The following CNTNAP5 variants were observed in gnomAD, a reference collection of about 807,000 sequenced individuals.
The protein encoded by CNTNAP5 is contactin-associated protein-like 5.
A neutral mutation model predicts 150.2 loss-of-function variants in CNTNAP5; 72 were observed. The ratio of observed to expected loss-of-function variants is 0.48; its 90% CI spans 0.40 to 0.58. The LOEUF is 0.58. CNTNAP5 is among the 20% of genes least tolerant of loss of function. The pLI is 0.00. For missense variants in CNTNAP5, 1,636 were observed against 1,626.2 expected, an observed-to-expected ratio of 1.01 and a Z score of -0.10; for synonymous variants, 672 against 619.8, an observed-to-expected ratio of 1.08 and a Z score of -1.25.
intron 4 of CNTNAP5, among the ~76,000 whole-genome samples, chr2:124,424,357 C>A (rs936893346): frequency 3.3e-5 from 5 of 152,174 alleles, no homozygotes; most frequent in Non-Finnish European, 7.3e-5. Context: ...GTCAGCCCTC[C>A]AAGTGGGGAG....
chr2:124,691,665 C>CA (rs1204378200), intron 13 of CNTNAP5, among the ~76,000 whole-genome samples: 1 of 152,074 alleles, frequency 6.6e-6, no homozygotes, highest in Non-Finnish European at 1.5e-5. Flanking sequence ...ATTGAAAACT[C>CA]AGTCAGCGTT....
At position 124,903,822 on chromosome 2, in the gene CNTNAP5, C is replaced by T. The variant is rs182617465; in HGVS notation, c.3655+722C>T. ...AAATTGCCGCACTTTGGGAGGCAAACGCAGGAGGATCACCTGAGGTCAGGA... is the reference window on the plus strand; with the variant it reads ...AAATTGCCGCACTTTGGGAGGCAAATGCAGGAGGATCACCTGAGGTCAGGA... On this transcript the variant is annotated intron_variant, in intron 22 of 23. Coordinates refer to ENST00000682447, the MANE Select transcript of CNTNAP5 (RefSeq NM_001367498.1). 6.6e-5 allele frequency among the ~76,000 whole-genome samples: 10 copies of T among 152,030 alleles called. No homozygotes were observed. The East Asian group carries it at 1.2e-3, about 18-fold the overall frequency.
chr2:124,339,501 G>T (rs1689556807), intron 3 of CNTNAP5, among the ~76,000 whole-genome samples: 2 of 152,128 alleles, frequency 1.3e-5, no homozygotes. Context: ...GCCTTGTAAG[G>T]GCAAAGGGAA....
chr2:124,360,343 C>A (rs1318802525), intron 3 of CNTNAP5, among the ~76,000 whole-genome samples: 1 of 149,278 alleles, frequency 6.7e-6, no homozygotes, highest in Admixed American at 6.8e-5. Context: ...GAATTTGATC[C>A]TGTCATTATG....
intron 21 of CNTNAP5, among the ~76,000 whole-genome samples, chr2:124,901,540 G>T (rs953005631): frequency 5.3e-5 from 8 of 152,134 alleles, no homozygotes; most frequent in African/African-American, 1.4e-4. Context: ...AGCTAGAAAA[G>T]GCAAGGAAAT....
At chr2:124,907,796 C>T (rs187123081) in intron 22 of CNTNAP5, among the ~76,000 whole-genome samples, 211 of 150,560 alleles carry the variant, frequency 1.4e-3, no homozygotes, top group African/African-American at 4.9e-3. Context: ...GTCCATTAAG[C>T]ATGGATATAG....
chr2:124,395,068 C>G (rs1204455810), intron 3 of CNTNAP5, among the ~76,000 whole-genome samples: 1 of 151,960 alleles, frequency 6.6e-6, no homozygotes, highest in Non-Finnish European at 1.5e-5. Flanking sequence ...GCAAACATGC[C>G]CATTGATAAA....
intron 11 of CNTNAP5, among the ~76,000 whole-genome samples, chr2:124,571,214 G>A (rs956104720): frequency 2.0e-5 from 3 of 152,164 alleles, no homozygotes; most frequent in Non-Finnish European, 2.9e-5. Context: ...GTTTCCCACT[G>A]TGCAGAATTA....
At chr2:124,668,445 AAAG>A (rs1678744708) in intron 13 of CNTNAP5, among the ~76,000 whole-genome samples, 1 of 152,214 alleles carries the variant, frequency 6.6e-6, no homozygotes, top group Non-Finnish European at 1.5e-5. Flanking sequence ...TCATTACTGT[AAAG>A]AAATAAATTG....
chr2:124,820,924 T>A (rs1219207543), intron 19 of CNTNAP5, among the ~76,000 whole-genome samples: 1 of 152,196 alleles, frequency 6.6e-6, no homozygotes, highest in Non-Finnish European at 1.5e-5. Flanking sequence ...CTATTTAGGA[T>A]TTTCTATTTC....
intron 3 of CNTNAP5, among the ~76,000 whole-genome samples, chr2:124,330,735 C>A (rs948951953): frequency 6.6e-6 from 1 of 151,652 alleles, no homozygotes. Context: ...TGAGAACAGA[C>A]CAATACAAAT....
At chr2:124,536,597 G>A (rs551230587) in intron 10 of CNTNAP5, among the ~76,000 whole-genome samples, 122 of 152,210 alleles carry the variant, frequency 8.0e-4, no homozygotes, top group African/African-American at 2.7e-3. Flanking sequence ...TGGAAAAGCC[G>A]GGATTCGAAT....
chr2:124,241,237 T>G (rs1336872070), intron 2 of CNTNAP5, among the ~76,000 whole-genome samples: 2 of 152,224 alleles, frequency 1.3e-5, no homozygotes, highest in Non-Finnish European at 2.9e-5. Flanking sequence ...ATTGATCTTC[T>G]GCAAACCTCA....
intron 3 of CNTNAP5, among the ~76,000 whole-genome samples, chr2:124,398,162 G>A (rs1391680313): frequency 6.6e-6 from 1 of 152,180 alleles, no homozygotes; most frequent in Admixed American, 6.5e-5. Flanking sequence ...GATGCAAAAT[G>A]AATCAGGGCA....
At chr2:124,428,058 T>A (rs1415468908) in intron 4 of CNTNAP5, among the ~76,000 whole-genome samples, 1 of 152,216 alleles carries the variant, frequency 6.6e-6, no homozygotes, top group Non-Finnish European at 1.5e-5. Context: ...GTTTGATTCC[T>A]GATAGATCCT....
intron 3 of CNTNAP5, among the ~76,000 whole-genome samples, chr2:124,268,574 T>A (rs570026157): frequency 6.6e-6 from 1 of 152,336 alleles, no homozygotes; most frequent in Admixed American, 6.5e-5. Context: ...ACTTAAATAA[T>A]TTGTGTTCTC....
rs1207499860 is a variant in CNTNAP5 at position 124,919,122 on chromosome 2, A to AAC, written c.*4843_*4844dup. On this transcript the variant is annotated 3_prime_UTR_variant, in exon 24 of 24. Coordinates refer to ENST00000682447, the MANE Select transcript of CNTNAP5 (RefSeq NM_001367498.1). ...GAACCACCTAAAGGGGAAAAAATGC[A>AAC]ACACACACACGCACGCTCACATGCA... is the stretch of plus-strand genomic sequence containing the variant. Among the ~76,000 whole-genome samples, 1 of 152,016 alleles carries AAC rather than the reference A, an allele frequency of 6.6e-6. No homozygotes were observed. Among genetic ancestry groups the AAC allele is most frequent in the African/African-American group, 2.4e-5 (1 of 41,416 alleles).
chr2:124,640,987 G>A (rs1267956364), intron 12 of CNTNAP5, among the ~76,000 whole-genome samples: 2 of 151,900 alleles, frequency 1.3e-5, no homozygotes, highest in African/African-American at 4.8e-5. Flanking sequence ...TTAGCTGGGC[G>A]TGGTGGCGCA....
chr2:124,840,874 A>G (rs1181032253), intron 19 of CNTNAP5, among the ~76,000 whole-genome samples: 6 of 152,128 alleles, frequency 3.9e-5, no homozygotes, highest in Non-Finnish European at 8.8e-5. Context: ...TGGGGCTGAC[A>G]GAAGCAAGGA....
Sources: gnomAD v4.1 joint callset for allele counts (sites outside exome capture counted in the v4.1 genomes callset) on GRCh38, gnomAD v4.1.1 for gene constraint, MANE v1.5 for transcripts, NCBI Gene and HGNC (gene_info 2026-07-23, HGNC 2026-07-21) for gene names.